The following CFAP53 variants were observed in gnomAD, a reference collection of about 807,000 sequenced individuals.
CFAP53 encodes cilia- and flagella-associated protein 53.
A neutral mutation model predicts 59.7 loss-of-function variants in CFAP53; 62 were observed. The observed-to-expected ratio is 1.04, with a 90% CI of 0.85 to 1.28. CFAP53 has a LOEUF of 1.28. CFAP53 is among the 50% of genes most tolerant of loss of function. The pLI, the probability that CFAP53 is intolerant of heterozygous loss-of-function variation, is 0.00. For missense variants in CFAP53, 629 were observed against 615.6 expected, an observed-to-expected ratio of 1.02 and a Z score of -0.23; for synonymous variants, 218 against 205.7, an observed-to-expected ratio of 1.06 and a Z score of -0.51.
chr18:50,252,155 G>A (rs554213104), intron 3 of CFAP53, among the ~76,000 whole-genome samples: 61 of 151,722 alleles, frequency 4.0e-4, no homozygotes, highest in African/African-American at 1.4e-3. Flanking sequence ...CCAGGCTGGC[G>A]TGCGGTGGCA....
chr18:50,254,382 A>G (rs2033828464), intron 3 of CFAP53, among the ~76,000 whole-genome samples: 1 of 152,204 alleles, frequency 6.6e-6, no homozygotes, highest in Admixed American at 6.5e-5. Flanking sequence ...CAACATCACC[A>G]GCCATTAGGT....
rs145361531 is a variant in CFAP53 at position 50,232,251 on chromosome 18, A to T, written c.1317-4642T>A. ...GGTTGTATCCTAAAACATTAAGACAAATTTAACTCTCAAACCCTCAAAAAG... is the reference window on the plus strand; with the variant it reads ...GGTTGTATCCTAAAACATTAAGACATATTTAACTCTCAAACCCTCAAAAAG... On this transcript the variant is annotated intron_variant, in intron 7 of 7. Coordinates refer to ENST00000398545, the MANE Select transcript of CFAP53 (RefSeq NM_145020.5). Among the ~76,000 whole-genome samples, 687 of 152,272 alleles carry T rather than the reference A, an allele frequency of 4.5e-3. 2 individuals are homozygous for T. The highest frequency in any genetic ancestry group is 0.015 in the African/African-American group (641 of 41,534).
chr18:50,262,696 C>A (rs528951262), intron 1 of CFAP53, among the ~76,000 whole-genome samples: 1 of 151,574 alleles, frequency 6.6e-6, no homozygotes, highest in African/African-American at 2.4e-5. Flanking sequence ...TGCTACTATG[C>A]GAATATATAG....
intron 5 of CFAP53, 133 bp downstream of exon 5, chr18:50,250,625 G>T (rs186949129): frequency 1.5e-6 from 1 of 681,032 alleles, no homozygotes; most frequent in East Asian, 2.5e-5. Flanking sequence ...TTTCCCAGAT[G>T]GTGCTGATGC....
intron 3 of CFAP53, among the ~76,000 whole-genome samples, chr18:50,252,055 C>A (rs1439814505): frequency 6.6e-6 from 1 of 152,116 alleles, no homozygotes; most frequent in African/African-American, 2.4e-5. Flanking sequence ...ACCCCAATGA[C>A]TGACCTATTC....
At chr18:50,260,064 A>G (rs758405395) in intron 3 of CFAP53, among the ~76,000 whole-genome samples, 2 of 152,344 alleles carry the variant, frequency 1.3e-5, no homozygotes, top group Middle Eastern at 3.4e-3. Flanking sequence ...CTGATTATAT[A>G]ACACTATAGA....
intron 1 of CFAP53, among the ~76,000 whole-genome samples, chr18:50,264,456 T>G (rs147108516): frequency 6.6e-6 from 1 of 152,338 alleles, no homozygotes. Flanking sequence ...ACCTGTCAAA[T>G]GAGCAAAATA....
chr18:50,251,750 A>G lies in CFAP53; in HGVS notation c.508T>C (p.Ser170Pro), dbSNP rs2033803304. The change falls in exon 4 of 8, where the codon TCT becomes CCT. Residue 170 changes from serine to proline, a missense_variant. Ser to Pro is a moderately conservative substitution (Grantham distance 74, BLOSUM62 -1). Coordinates refer to ENST00000398545, the MANE Select transcript of CFAP53 (RefSeq NM_145020.5). ...TCACACACCTTCTTCTGATGGATAG[A>G]TAACAATTCAACACGGAGCTCCTCA... ...RCEELRVELL[S>P]IHQKKVCEER... 6.2e-7 allele frequency: 1 copy of G among 1,614,186 alleles called. No homozygotes were observed. Among genetic ancestry groups the G allele is most frequent in the Non-Finnish European group, 8.5e-7 (1 of 1,180,028 alleles).
intron 3 of CFAP53, among the ~76,000 whole-genome samples, chr18:50,255,324 T>C (rs1004049533): frequency 2.0e-5 from 3 of 152,104 alleles, no homozygotes; most frequent in Non-Finnish European, 1.5e-5. Flanking sequence ...AAGAGTAACA[T>C]GAAGGAGATT....
chr18:50,228,600 G>C (rs2144397973), intron 7 of CFAP53, among the ~76,000 whole-genome samples: 1 of 152,038 alleles, frequency 6.6e-6, no homozygotes, highest in South Asian at 2.1e-4. Context: ...AGACCAGCCT[G>C]ACCAACATGG....
At chr18:50,237,548 G>T (rs2033649872) in intron 7 of CFAP53, among the ~76,000 whole-genome samples, 1 of 151,332 alleles carries the variant, frequency 6.6e-6, no homozygotes, top group Non-Finnish European at 1.5e-5. Context: ...AAAGAGAAGA[G>T]CTAATTTCTA....
chr18:50,254,689 G>A (rs2033831623), intron 3 of CFAP53, among the ~76,000 whole-genome samples: 1 of 152,174 alleles, frequency 6.6e-6, no homozygotes, highest in South Asian at 2.1e-4. Context: ...GGGAGTTCAA[G>A]ACCAGCCTGA....
At chr18:50,266,275 G>T (rs1276628108) in intron 1 of CFAP53, 61 bp downstream of exon 1, 6 of 1,545,804 alleles carry the variant, frequency 3.9e-6, no homozygotes, top group Non-Finnish European at 5.4e-6. Flanking sequence ...GGATAGGCCA[G>T]GCCTGGAGTG....
intron 5 of CFAP53, among the ~76,000 whole-genome samples, chr18:50,249,089 G>C (rs926984198): frequency 1.3e-5 from 2 of 150,510 alleles, no homozygotes; most frequent in Admixed American, 6.6e-5. Context: ...TGTAATCCCA[G>C]CTACTCGGGA....
intron 6 of CFAP53, among the ~76,000 whole-genome samples, chr18:50,242,426 T>A (rs1377787900): frequency 1.3e-5 from 2 of 152,204 alleles, no homozygotes; most frequent in Non-Finnish European, 2.9e-5. Context: ...AAAACAGGCA[T>A]AAGAAATTAT....
At chr18:50,250,202 GC>G (rs58769316) in intron 5 of CFAP53, among the ~76,000 whole-genome samples, 96,324 of 144,714 alleles carry the variant, frequency 0.67, 32,239 homozygotes, top group East Asian at 0.79. Flanking sequence ...CTGGGTTACA[GC>G]GTGAGACCCC....
rs1432985009 is a variant in CFAP53, at chr18:50,227,501, T to C, written c.1425A>G (p.Ala475=). The change falls in exon 8 of 8, where the codon GCA becomes GCG. Residue 475 remains alanine, a synonymous_variant. Transcript: ENST00000398545. ...AACACATCTTGTTTGCTGCTACACCTGCTTCAAACTCTCGGCGTTTCTCTT... is the reference window on the plus strand; with the variant it reads ...AACACATCTTGTTTGCTGCTACACCCGCTTCAAACTCTCGGCGTTTCTCTT... ...EKEEKRREFE[A]GVAANKMCLD... is the part of the protein sequence containing the mutation. 3.1e-6 allele frequency: 5 copies of C among 1,614,092 alleles called. No homozygotes were observed. Among genetic ancestry groups the C allele is most frequent in the Non-Finnish European group, 4.2e-6 (5 of 1,180,018 alleles).
chr18:50,251,157 TTGCC>T (rs943038689), intron 4 of CFAP53, among the ~76,000 whole-genome samples, 181 bp from the exon 5 acceptor site: 1 of 152,166 alleles, frequency 6.6e-6, no homozygotes, highest in African/African-American at 2.4e-5. Flanking sequence ...ACTGTGAAAA[TTGCC>T]TGGGCATGTG....
At chr18:50,250,660 A>T in intron 5 of CFAP53, 98 bp downstream of exon 5, 1 of 903,268 alleles carries the variant, frequency 1.1e-6, no homozygotes, top group Non-Finnish European at 1.8e-6. Flanking sequence ...CCACACTCAG[A>T]GTAGCACTGC....
Sources: gnomAD v4.1 joint callset for allele counts (sites outside exome capture counted in the v4.1 genomes callset) on GRCh38, gnomAD v4.1.1 for gene constraint, MANE v1.5 for transcripts, NCBI Gene and HGNC (gene_info 2026-07-23, HGNC 2026-07-21) for gene names.